Variants in CCDC66 observed in about 807,000 individuals in gnomAD.
CCDC66 encodes the protein coiled-coil domain-containing protein 66.
CCDC66 carries 133 observed loss-of-function variants against 128.3 expected under a neutral mutation model. The observed-to-expected ratio is 1.04, with a 90% CI of 0.90 to 1.20. The LOEUF is 1.20. CCDC66 is among the 50% of genes most tolerant of loss of function. The probability of loss-of-function intolerance (pLI) is 0.00; values close to 1 mark genes in which losing one functional copy is unlikely to be tolerated. For synonymous variants in CCDC66, 387 were observed against 357.0 expected (o/e 1.08, Z -0.95); for missense variants, 1,126 against 1,075.5 (o/e 1.05, Z -0.66).
chr3:56,557,209 T>C lies in CCDC66; in HGVS notation c.-34T>C, dbSNP rs537934050. 146 of 1,550,952 alleles carry C rather than the reference T, an allele frequency of 9.4e-5. No individual in the cohort carries two copies. In the African/African-American group the frequency reaches 1.8e-3, roughly 20 times the overall value. On this transcript the variant is annotated 5_prime_UTR_variant, in exon 1 of 18. Coordinates refer to ENST00000394672, the MANE Select transcript of CCDC66 (RefSeq NM_001141947.3). ...CGGCAACCGACGTACACAAGGGGCT[T>C]GAGCGTTCTGTGGAGAGAGTGCGAG... is the stretch of plus-strand genomic sequence containing the variant.
rs2064723148 is a variant in CCDC66 at position 56,558,844 on chromosome 3, A to T, written c.12-2A>T. The T allele has an allele frequency of 1.3e-6, 2 of 1,544,940 alleles. No homozygotes were observed. Among genetic ancestry groups the T allele is most frequent in the Non-Finnish European group, 1.8e-6 (2 of 1,141,484 alleles). ...AGAGACAACTTTCTTTTTTTATTAC[A>T]GAGATGGTTTAAAGCTTGAAACTGA... On this transcript the variant is annotated splice_acceptor_variant, in intron 1 of 17. Coordinates refer to ENST00000394672, the MANE Select transcript of CCDC66 (RefSeq NM_001141947.3). LOFTEE classifies it high-confidence loss of function.
At chr3:56,586,906 A>G (rs566894177) in intron 7 of CCDC66, among the ~76,000 whole-genome samples, 2 of 151,876 alleles carry the variant, frequency 1.3e-5, no homozygotes, top group South Asian at 4.2e-4. Flanking sequence ...AAACTAAAAA[A>G]TTAGCCGAGC....
intron 10 of CCDC66, among the ~76,000 whole-genome samples, chr3:56,606,442 G>A (rs1430975728): frequency 2.6e-5 from 4 of 152,194 alleles, no homozygotes; most frequent in Middle Eastern, 3.4e-3. Flanking sequence ...TGCGGGTGGC[G>A]AAGACTGTGG....
chr3:56,588,447 T>C (rs1299556435), intron 7 of CCDC66, among the ~76,000 whole-genome samples: 1 of 152,108 alleles, frequency 6.6e-6, no homozygotes, highest in African/African-American at 2.4e-5. Flanking sequence ...CCCCAAAACC[T>C]ATAGAAATAA....
At chr3:56,571,843 C>T (rs2066670033) in intron 7 of CCDC66, among the ~76,000 whole-genome samples, 2 of 152,102 alleles carry the variant, frequency 1.3e-5, no homozygotes, top group South Asian at 4.1e-4. Flanking sequence ...CTCTGCCTCC[C>T]AAATGGCTGG....
intron 12 of CCDC66, chr3:56,615,518 T>A: frequency 2.5e-6 from 1 of 406,984 alleles, no homozygotes; most frequent in Non-Finnish European, 4.4e-6. Context: ...GGATTACAGG[T>A]GTGAGTCACT....
intron 4 of CCDC66, among the ~76,000 whole-genome samples, chr3:56,565,468 T>G (rs913205248): frequency 6.7e-6 from 1 of 149,648 alleles, no homozygotes; most frequent in Non-Finnish European, 1.5e-5. Flanking sequence ...TTTTTTTGTA[T>G]TTTTAGTAGA....
chr3:56,617,236 G>A lies in CCDC66; in HGVS notation c.1968G>A (p.Lys656=), dbSNP rs1559776113. 1 of 1,613,564 alleles carries A rather than the reference G, an allele frequency of 6.2e-7. No individual in the cohort carries two copies. The highest frequency in any genetic ancestry group is 8.5e-7 in the Non-Finnish European group (1 of 1,179,876). ...SAELIGQFST[K]KNKQELTQDK... is the part of the protein sequence containing the mutation. Reference sequence around the variant, plus strand: ...AACTTATTGGACAGTTTAGCACCAAGAAAAACAAGCAAGAACTAACTCAGG... The same window carrying A: ...AACTTATTGGACAGTTTAGCACCAAAAAAAACAAGCAAGAACTAACTCAGG... The change falls in exon 14 of 18, where the codon AAG becomes AAA. Residue 656 remains lysine (K), a synonymous_variant. Transcript: ENST00000394672.
intron 10 of CCDC66, among the ~76,000 whole-genome samples, chr3:56,603,311 TTCTTG>T (rs2073539994): frequency 1.3e-5 from 2 of 152,172 alleles, no homozygotes; most frequent in Admixed American, 6.5e-5. Context: ...TCTTAGTTAT[TTCTTG>T]TCTTCTGGTA....
In CCDC66 at chr3:56,567,034, C is replaced by T; in HGVS notation, c.795C>T (p.Ala265=). The T allele has an allele frequency of 1.2e-6, 2 of 1,613,468 alleles. No individual in the cohort carries two copies. Among genetic ancestry groups the T allele is most frequent in the Non-Finnish European group, 1.7e-6 (2 of 1,179,494 alleles). ...CDRSSLEAKK[A]QWRKELDEQV... ...GAAGTTCGTTGGAAGCAAAAAAAGC[C>T]CAGTGGAGGAAAGAGCTAGGTAGGT... Residue 265 remains alanine, a synonymous_variant, in exon 6 of 18, where the codon GCC becomes GCT. Coordinates refer to ENST00000394672, the MANE Select transcript of CCDC66 (RefSeq NM_001141947.3).
At chr3:56,598,503 G>T (rs1265745168) in intron 10 of CCDC66, among the ~76,000 whole-genome samples, 7 of 151,838 alleles carry the variant, frequency 4.6e-5, no homozygotes, top group Non-Finnish European at 1.0e-4. Flanking sequence ...AGCTCTTAGG[G>T]GAAAGGCTTT....
At chr3:56,586,292 G>T (rs2069699932) in intron 7 of CCDC66, among the ~76,000 whole-genome samples, 1 of 151,908 alleles carries the variant, frequency 6.6e-6, no homozygotes, top group African/African-American at 2.4e-5. Flanking sequence ...ACTTTGGGAG[G>T]CTGAGGCGGG....
chr3:56,567,664 A>C (rs910024694), intron 6 of CCDC66, among the ~76,000 whole-genome samples: 8 of 151,688 alleles, frequency 5.3e-5, no homozygotes, highest in African/African-American at 1.9e-4. Context: ...AGGAGAGGCA[A>C]CCTGGCCAGT....
intron 10 of CCDC66, among the ~76,000 whole-genome samples, chr3:56,612,338 G>A (rs928351020): frequency 2.0e-5 from 3 of 152,132 alleles, no homozygotes; most frequent in South Asian, 2.1e-4. Context: ...GCAGTTGTTC[G>A]TGGAGGCTGT....
In CCDC66 at chr3:56,617,295, G is replaced by A. The variant is rs140258440; in HGVS notation, c.2027G>A (p.Arg676Gln). The A allele has an allele frequency of 4.0e-4, 652 of 1,613,108 alleles. 1 individual carries two copies. The highest frequency in any genetic ancestry group is 5.0e-4 in the Non-Finnish European group (594 of 1,179,754). Residue 676 changes from arginine (R) to glutamine (Q), a missense_variant, in exon 14 of 18, where the codon CGG becomes CAG. By Grantham distance (43) the Arg-to-Gln change is conservative. Coordinates refer to ENST00000394672, the MANE Select transcript of CCDC66 (RefSeq NM_001141947.3). Reference sequence around the variant, plus strand: ...GCCAGCTTAGAAAAAGAAAACAATCGGTGTAATGACCAGTGTAATCAGTTC... The same window carrying A: ...GCCAGCTTAGAAAAAGAAAACAATCAGTGTAATGACCAGTGTAATCAGTTC... ...KGASLEKENN[R>Q]CNDQCNQFTR...
At position 56,619,919 on chromosome 3, in the gene CCDC66, T is replaced by G. The variant is rs370720911; in HGVS notation, c.2760+18T>G. On this transcript the variant is annotated intron_variant, in intron 17 of 17. Coordinates refer to ENST00000394672, the MANE Select transcript of CCDC66 (RefSeq NM_001141947.3). Reference sequence around the variant, plus strand: ...TGAGACAGGTATGAGCTTTTTCAAGTGTAGATATGTCTGTTCTTTATGTGG... The same window carrying G: ...TGAGACAGGTATGAGCTTTTTCAAGGGTAGATATGTCTGTTCTTTATGTGG... 6 of 1,612,238 alleles carry G rather than the reference T, an allele frequency of 3.7e-6. No homozygotes were observed. The highest frequency in any genetic ancestry group is 5.1e-6 in the Non-Finnish European group (6 of 1,179,138).
chr3:56,593,076 TAG>T lies in CCDC66; in HGVS notation c.1046_1047del (p.Glu349GlyfsTer9). ...ATAGAAGATGACCGTCAAAGAAAAA[TAG>T]AGGAAAAAATTATATATTCAAAGGT... is the stretch of plus-strand genomic sequence containing the variant. On this transcript the variant is annotated frameshift_variant, in exon 8 of 18. Transcript: ENST00000394672. LOFTEE classifies it high-confidence loss of function. 1 of 1,599,630 alleles carries T rather than the reference TAG, an allele frequency of 6.3e-7. No homozygotes were observed. The highest frequency in any genetic ancestry group is 1.1e-5 in the South Asian group (1 of 89,222).
intron 13 of CCDC66, 69 bp from the exon 14 acceptor site, chr3:56,617,043 T>G (rs1578045165): frequency 8.1e-7 from 1 of 1,237,264 alleles, no homozygotes; most frequent in Non-Finnish European, 1.1e-6. Flanking sequence ...TTTAATGTTT[T>G]GGGGAAAATT....
chr3:56,618,490 A>T lies in CCDC66; in HGVS notation c.2378+278A>T, dbSNP rs56134206. ...TTGATATTCCAGGTATGTCATTAGC[A>T]GAATAGGCATTCTGCTTTGGGAGGA... On this transcript the variant is annotated intron_variant, in intron 15 of 17. Transcript: ENST00000394672. 7.9e-3 allele frequency: 2,713 copies of T among 344,346 alleles called. 64 individuals carry two copies. Among genetic ancestry groups the T allele is most frequent in the African/African-American group, 0.053 (2,535 of 47,936 alleles). 21.3% of individuals were successfully genotyped at this position (344,346 alleles called of 1,614,324 possible).
Sources: gnomAD v4.1 joint callset for allele counts (sites outside exome capture counted in the v4.1 genomes callset) on GRCh38, gnomAD v4.1.1 for gene constraint, MANE v1.5 for transcripts, NCBI Gene and HGNC (gene_info 2026-07-23, HGNC 2026-07-21) for gene names.